The following SAMD4A variants were observed in gnomAD, a reference collection of about 807,000 sequenced individuals.
SAMD4A encodes sterile alpha motif domain containing 4A.
In SAMD4A, 33 loss-of-function variants were observed where a neutral mutation model predicts 81.3. The observed-to-expected ratio is 0.41, with a 90% CI of 0.31 to 0.54. SAMD4A has a LOEUF of 0.54. SAMD4A is among the 20% of genes least tolerant of loss of function. The probability of loss-of-function intolerance (pLI) is 0.37; values close to 1 mark genes in which losing one functional copy is unlikely to be tolerated. For missense variants in SAMD4A, 854 were observed against 951.1 expected, an observed-to-expected ratio of 0.90 and a Z score of 1.34; for synonymous variants, 389 against 382.1, an observed-to-expected ratio of 1.02 and a Z score of -0.21.
intron 2 of SAMD4A, among the ~76,000 whole-genome samples, chr14:54,645,826 G>A (rs2035275244): frequency 6.6e-6 from 1 of 152,200 alleles, no homozygotes; most frequent in South Asian, 2.1e-4. Flanking sequence ...GAAATGTTAT[G>A]TCTTGAAAAA....
chr14:54,675,760 T>G (rs1396370320), intron 2 of SAMD4A, among the ~76,000 whole-genome samples: 1 of 152,232 alleles, frequency 6.6e-6, no homozygotes, highest in East Asian at 1.9e-4. Context: ...AGAGTCACCC[T>G]GCAGTACAAA....
At position 54,776,446 on chromosome 14, in the gene SAMD4A, T is replaced by C; in HGVS notation, c.1950T>C (p.Asn650=). The change falls in exon 11 of 13, where the codon AAT becomes AAC. Residue 650 remains asparagine, a synonymous_variant. Coordinates refer to ENST00000554335, the MANE Select transcript of SAMD4A (RefSeq NM_015589.6). ...GGTTTGCCAACCCCGGGGGCAGCAA[T>C]AGCATGCCAAGCCGCACCCACAGCT... is the stretch of plus-strand genomic sequence containing the variant. ...NLWFANPGGS[N]SMPSRTHSSV... is the part of the protein sequence containing the mutation. 1.9e-6 allele frequency: 3 copies of C among 1,594,306 alleles called. No individual in the cohort carries two copies. Among genetic ancestry groups the C allele is most frequent in the Non-Finnish European group, 2.6e-6 (3 of 1,171,338 alleles).
chr14:54,732,604 TAGC>T lies in SAMD4A; in HGVS notation c.716-4417_716-4415del, dbSNP rs749101477. On this transcript the variant is annotated intron_variant, in intron 3 of 12. Transcript: ENST00000554335. ...TGCATTCAGCGTGTAAATTTAAAGA[TAGC>T]AGAGAAATACGCAATGTATCTTTGA... 1.5e-4 allele frequency among the ~76,000 whole-genome samples: 23 copies of T among 152,342 alleles called. No individual in the cohort carries two copies. In the East Asian group the frequency reaches 1.5e-3, roughly 10 times the overall value.
chr14:54,612,911 G>A (rs937646393), intron 2 of SAMD4A, among the ~76,000 whole-genome samples: 6 of 152,158 alleles, frequency 3.9e-5, no homozygotes, highest in African/African-American at 1.4e-4. Flanking sequence ...GAGGTCAAGA[G>A]ATCAAGACCA....
intron 2 of SAMD4A, among the ~76,000 whole-genome samples, chr14:54,591,528 T>G (rs1412233387): frequency 3.2e-5 from 1 of 31,406 alleles, no homozygotes; most frequent in Non-Finnish European, 5.9e-5. Flanking sequence ...CTGTATTTTG[T>G]TTTTTTTTTT....
chr14:54,757,429 T>TGTG (rs1566622641), intron 6 of SAMD4A, among the ~76,000 whole-genome samples: 2 of 116,688 alleles, frequency 1.7e-5, no homozygotes, highest in African/African-American at 7.2e-5. Context: ...GTGTGTGTGT[T>TGTG]TTGTTTTGTT....
chr14:54,624,326 C>G (rs2034694506), intron 2 of SAMD4A, among the ~76,000 whole-genome samples: 1 of 152,218 alleles, frequency 6.6e-6, no homozygotes, highest in Non-Finnish European at 1.5e-5. Flanking sequence ...AACTTACATG[C>G]CAGTGTGCGA....
chr14:54,737,167 G>A lies in SAMD4A; in HGVS notation c.859G>A (p.Asp287Asn), dbSNP rs576478799. 11 of 1,614,064 alleles carry A rather than the reference G, an allele frequency of 6.8e-6. No individual in the cohort carries two copies. The highest frequency in any genetic ancestry group is 6.7e-5 in the Admixed American group (4 of 60,010). Residue 287 changes from aspartate to asparagine, a missense_variant, in exon 4 of 13, where the codon GAT becomes AAT. This residue lies in a region of SAMD4A where 387 missense variants were observed against 405.8 expected (regional missense o/e 0.95). Transcript: ENST00000554335. ...TAGAGGACCCCAGTGCCTCCCATCC[G>A]ATCATGCCCCCCTGTCTCCACAAAG... ...RARGPQCLPSDHAPLSPQSSV... is the reference protein window; with the variant it reads ...RARGPQCLPSNHAPLSPQSSV...
chr14:54,572,013 T>A (rs1269193245), intron 2 of SAMD4A, among the ~76,000 whole-genome samples: 3 of 152,236 alleles, frequency 2.0e-5, no homozygotes, highest in African/African-American at 7.2e-5. Flanking sequence ...TTCCTGATGA[T>A]ATGGATAAGA....
At position 54,784,589 on chromosome 14, in the gene SAMD4A, G is replaced by A. The variant is rs766706253; in HGVS notation, c.2097G>A (p.Leu699=). The A allele has an allele frequency of 6.2e-7, 1 of 1,614,192 alleles. No individual in the cohort carries two copies. The highest frequency in any genetic ancestry group is 8.5e-7 in the Non-Finnish European group (1 of 1,180,028). The part of the protein sequence containing the change: ...EPDINNRLES[L]CLSMTEHALG... ...ACATCAACAACAGGCTGGAGTCGTT[G>A]TGCCTCAGTATGACCGAACACGCCC... Residue 699 remains leucine, a synonymous_variant, in exon 12 of 13, where the codon TTG becomes TTA. Transcript: ENST00000554335.
At chr14:54,711,548 A>G (rs2036989582) in intron 3 of SAMD4A, among the ~76,000 whole-genome samples, 1 of 152,158 alleles carries the variant, frequency 6.6e-6, no homozygotes, top group South Asian at 2.1e-4. Context: ...GGTACATGAG[A>G]CGTCTCTGGG....
intron 2 of SAMD4A, among the ~76,000 whole-genome samples, chr14:54,639,463 AG>A (rs1219830511): frequency 2.6e-5 from 4 of 152,132 alleles, no homozygotes; most frequent in Admixed American, 6.5e-5. Flanking sequence ...GGTTGGCGTG[AG>A]GGGGGCAAAG....
At chr14:54,591,091 G>A (rs1181529649) in intron 2 of SAMD4A, among the ~76,000 whole-genome samples, 1 of 152,106 alleles carries the variant, frequency 6.6e-6, no homozygotes. Flanking sequence ...TATTTTTCTG[G>A]CTGTCACCGT....
intron 2 of SAMD4A, among the ~76,000 whole-genome samples, chr14:54,642,179 T>A (rs766714038): frequency 1.3e-5 from 2 of 152,202 alleles, no homozygotes; most frequent in Admixed American, 6.5e-5. Context: ...TAGTCATGTA[T>A]CAGCATGATG....
In SAMD4A at chr14:54,568,119, G is replaced by T; in HGVS notation, c.196+7G>T. 2 of 1,481,768 alleles carry T rather than the reference G, an allele frequency of 1.3e-6. No homozygotes were observed. Among genetic ancestry groups the T allele is most frequent in the Non-Finnish European group, 1.8e-6 (2 of 1,123,784 alleles). The allele number at this position is 1,481,768 out of a possible 1,614,324, so 91.8% of individuals were successfully genotyped here. A position where few individuals can be genotyped will look rare whatever the true frequency, so the allele number is the denominator to read the frequency against. ...CGCGAGGCCAACAGCCCCGGTAAGT[G>T]TGCGGCGGCCGCCGCCGCCGTCCCG... is the stretch of plus-strand genomic sequence containing the variant. On this transcript the variant is annotated splice_region_variant and intron_variant, in intron 2 of 12. Transcript: ENST00000554335.
intron 4 of SAMD4A, among the ~76,000 whole-genome samples, chr14:54,741,829 G>A (rs779383553): frequency 5.9e-5 from 9 of 152,108 alleles, no homozygotes; most frequent in African/African-American, 2.2e-4. Flanking sequence ...CAGCATTCAC[G>A]AAATCACAAT....
chr14:54,738,791 A>C (rs371841060), intron 4 of SAMD4A, among the ~76,000 whole-genome samples: 24 of 152,228 alleles, frequency 1.6e-4, no homozygotes, highest in African/African-American at 5.5e-4. Context: ...TGAAAGACCA[A>C]GGGAGGCTGA....
At chr14:54,692,876 G>GCCCCCCC (rs56082229) in intron 2 of SAMD4A, 2 of 132,412 alleles carry the variant, frequency 1.5e-5, no homozygotes, top group African/African-American at 2.7e-5. Context: ...ATCACTTAGT[G>GCCCCCCC]CCCCCCCCCG....
intron 3 of SAMD4A, among the ~76,000 whole-genome samples, chr14:54,709,608 C>T (rs566380037): frequency 3.3e-5 from 5 of 152,166 alleles, no homozygotes; most frequent in South Asian, 2.1e-4. Context: ...TTTTTTAGCA[C>T]CTTGTTCTAG....
Sources: gnomAD v4.1 joint callset for allele counts (sites outside exome capture counted in the v4.1 genomes callset) on GRCh38, gnomAD v4.1.1 for gene constraint, gnomAD v4.1.1 regional missense constraint, MANE v1.5 for transcripts, NCBI Gene and HGNC (gene_info 2026-07-23, HGNC 2026-07-21) for gene names.